The following KCTD8 variants were observed in gnomAD, a reference collection of about 807,000 sequenced individuals.
KCTD8 encodes potassium channel tetramerization domain containing 8.
In KCTD8, 27 loss-of-function variants were observed where a neutral mutation model predicts 31.5. The ratio of observed to expected loss-of-function variants is 0.86; its 90% CI spans 0.63 to 1.18. The LOEUF (loss-of-function observed/expected upper bound fraction) is 1.18. Among genes scored for constraint, KCTD8 ranks in the 50% most tolerant of loss-of-function variants. The pLI, the probability that KCTD8 is intolerant of heterozygous loss-of-function variation, is 0.00. For missense variants in KCTD8, 658 were observed against 647.7 expected (o/e 1.02, Z -0.17); for synonymous variants, 290 against 280.0 (o/e 1.04, Z -0.36).
At chr4:44,369,963 T>C (rs1719740808) in intron 1 of KCTD8, among the ~76,000 whole-genome samples, 1 of 152,200 alleles carries the variant, frequency 6.6e-6, no homozygotes, top group South Asian at 2.1e-4. Context: ...CCTAAATTCT[T>C]GACACATTTC....
chr4:44,377,926 A>G (rs1002332017), intron 1 of KCTD8, among the ~76,000 whole-genome samples: 3 of 152,056 alleles, frequency 2.0e-5, no homozygotes, highest in African/African-American at 7.2e-5. Context: ...TTCCTAGTGA[A>G]CACTTTTCAT....
intron 1 of KCTD8, among the ~76,000 whole-genome samples, chr4:44,435,748 G>T (rs1721628095): frequency 6.6e-6 from 1 of 152,038 alleles, no homozygotes; most frequent in African/African-American, 2.4e-5. Context: ...GAAGCACCAG[G>T]TGTGCAGGAT....
At chr4:44,358,394 T>A (rs956458251) in intron 1 of KCTD8, among the ~76,000 whole-genome samples, 5 of 152,132 alleles carry the variant, frequency 3.3e-5, no homozygotes, top group African/African-American at 1.2e-4. Flanking sequence ...TGATTTATAA[T>A]CCTTTGGGTA....
At chr4:44,269,837 T>G (rs1716524640) in intron 1 of KCTD8, among the ~76,000 whole-genome samples, 1 of 151,966 alleles carries the variant, frequency 6.6e-6, no homozygotes, top group Non-Finnish European at 1.5e-5. Context: ...AAAACCACAA[T>G]GAGATACCAT....
intron 1 of KCTD8, among the ~76,000 whole-genome samples, chr4:44,247,747 G>C (rs1041318680): frequency 1.3e-5 from 2 of 151,756 alleles, no homozygotes; most frequent in African/African-American, 4.8e-5. Context: ...ACTTCACTTA[G>C]AATGAACTTG....
chr4:44,277,968 G>T (rs1716798408), intron 1 of KCTD8, among the ~76,000 whole-genome samples: 2 of 151,920 alleles, frequency 1.3e-5, no homozygotes, highest in Admixed American at 1.3e-4. Context: ...AAAGTTACAA[G>T]GATTGTACTA....
chr4:44,389,578 A>C (rs559797626), intron 1 of KCTD8, among the ~76,000 whole-genome samples: 1 of 151,762 alleles, frequency 6.6e-6, no homozygotes, highest in African/African-American at 2.4e-5. Flanking sequence ...GGTTGCCAGG[A>C]GCTGGGGGTG....
At chr4:44,354,300 C>T (rs1719288466) in intron 1 of KCTD8, among the ~76,000 whole-genome samples, 1 of 152,134 alleles carries the variant, frequency 6.6e-6, no homozygotes, top group Admixed American at 6.6e-5. Context: ...TACTCCCTGG[C>T]TTCAACACTA....
chr4:44,334,059 T>A (rs550215289), intron 1 of KCTD8, among the ~76,000 whole-genome samples: 1 of 152,088 alleles, frequency 6.6e-6, no homozygotes, highest in East Asian at 1.9e-4. Context: ...AGGAAACTTA[T>A]AGAGAATTTG....
At chr4:44,219,066 G>C (rs528949483) in intron 1 of KCTD8, among the ~76,000 whole-genome samples, 1 of 152,198 alleles carries the variant, frequency 6.6e-6, no homozygotes, top group South Asian at 2.1e-4. Context: ...CACTCACCTC[G>C]AAAAGTATTC....
chr4:44,291,727 T>G, intron 1 of KCTD8, among the ~76,000 whole-genome samples: 1 of 151,862 alleles, frequency 6.6e-6, no homozygotes, highest in African/African-American at 2.4e-5. Flanking sequence ...ACTATGCATC[T>G]GAGAAAGGTC....
At chr4:44,356,518 G>A (rs1057164740) in intron 1 of KCTD8, among the ~76,000 whole-genome samples, 13 of 152,156 alleles carry the variant, frequency 8.5e-5, no homozygotes, top group Middle Eastern at 3.2e-3. Flanking sequence ...CTGTTGCCCA[G>A]GCTGGAGTGC....
At chr4:44,188,342 T>C (rs550174295) in intron 1 of KCTD8, among the ~76,000 whole-genome samples, 1 of 152,176 alleles carries the variant, frequency 6.6e-6, no homozygotes, top group South Asian at 2.1e-4. Flanking sequence ...CATAGTACAA[T>C]AAAAAAGTGC....
At chr4:44,418,411 A>G (rs1721127190) in intron 1 of KCTD8, among the ~76,000 whole-genome samples, 1 of 152,168 alleles carries the variant, frequency 6.6e-6, no homozygotes, top group South Asian at 2.1e-4. Context: ...GTGAGCTGTA[A>G]TATTGTCCAT....
intron 1 of KCTD8, chr4:44,293,380 C>T (rs1217014542): frequency 2.3e-6 from 1 of 440,894 alleles, no homozygotes; most frequent in African/African-American, 2.0e-5. Context: ...ATCTGCCATA[C>T]TTAATGGAGA....
intron 1 of KCTD8, among the ~76,000 whole-genome samples, chr4:44,317,054 A>G (rs969454168): frequency 6.6e-6 from 1 of 151,012 alleles, no homozygotes; most frequent in African/African-American, 2.4e-5. Flanking sequence ...TGTTAGAGTA[A>G]GGAGGCTGTA....
intron 1 of KCTD8, among the ~76,000 whole-genome samples, chr4:44,378,238 AATAT>A (rs34144469): frequency 4.9e-5 from 7 of 143,760 alleles, no homozygotes; most frequent in African/African-American, 7.6e-5. Context: ...TATATGTATA[AATAT>A]ATATATATAT....
chr4:44,268,470 T>C (rs1716464154), intron 1 of KCTD8, among the ~76,000 whole-genome samples: 1 of 152,152 alleles, frequency 6.6e-6, no homozygotes, highest in Non-Finnish European at 1.5e-5. Context: ...AGCATTCCCT[T>C]TGAAAACTGG....
intron 1 of KCTD8, among the ~76,000 whole-genome samples, chr4:44,400,768 C>A (rs557535837): frequency 6.6e-6 from 1 of 150,382 alleles, no homozygotes; most frequent in Admixed American, 6.7e-5. Flanking sequence ...TTCAATTCTG[C>A]AAACTCAATC....
Sources: allele counts gnomAD v4.1 joint callset (sites outside exome capture counted in the v4.1 genomes callset), GRCh38; gene constraint gnomAD v4.1.1; transcripts MANE v1.5; gene names NCBI Gene and HGNC (gene_info 2026-07-23, HGNC 2026-07-21).